Variants in PGCKA1 observed in about 807,000 individuals in gnomAD.
PGCKA1 encodes the protein PDCD10 and GCKIII kinases-associated protein 1.
chr4:37,462,962 CAAAAA>C, the PGCKA1 span, among the ~76,000 whole-genome samples: 3 of 60,318 alleles, frequency 5.0e-5, no homozygotes, highest in African/African-American at 1.4e-4. Context: ...GACTCAGTAT[CAAAAA>C]AAAAAAAAAA....
chr4:37,508,984 AG>A, the PGCKA1 span, among the ~76,000 whole-genome samples: 1 of 151,028 alleles, frequency 6.6e-6, no homozygotes, highest in Non-Finnish European at 1.5e-5. Flanking sequence ...TTCAGAGAGC[AG>A]GGGGTTGGGG....
the PGCKA1 span, among the ~76,000 whole-genome samples, chr4:37,488,031 T>C: frequency 1.8e-4 from 28 of 152,336 alleles, no homozygotes; most frequent in African/African-American, 6.5e-4. Flanking sequence ...AGTCTTTATG[T>C]GCACTTTTGT....
At chr4:37,558,359 A>G in the PGCKA1 span, among the ~76,000 whole-genome samples, 1 of 152,152 alleles carries the variant, frequency 6.6e-6, no homozygotes, top group African/African-American at 2.4e-5. Flanking sequence ...CAGTTAATCT[A>G]TCCCCCCGTC....
chr4:37,499,343 A>C, the PGCKA1 span, among the ~76,000 whole-genome samples: 1 of 152,168 alleles, frequency 6.6e-6, no homozygotes, highest in African/African-American at 2.4e-5. Context: ...CATAGAATGA[A>C]TTAGGGAGGA....
the PGCKA1 span, among the ~76,000 whole-genome samples, chr4:37,494,798 G>T: frequency 2.1e-4 from 32 of 152,018 alleles, no homozygotes; most frequent in African/African-American, 3.1e-4. Context: ...TCATTTTTTT[G>T]ACTTTTAATA....
At chr4:37,508,302 A>G in the PGCKA1 span, among the ~76,000 whole-genome samples, 48 of 152,148 alleles carry the variant, frequency 3.2e-4, no homozygotes, top group African/African-American at 1.0e-3. Context: ...CTTCTCCCCT[A>G]TCTCTTTCTC....
At chr4:37,504,385 T>G in the PGCKA1 span, among the ~76,000 whole-genome samples, 1 of 152,196 alleles carries the variant, frequency 6.6e-6, no homozygotes, top group African/African-American at 2.4e-5. Context: ...TGTTCTTTTT[T>G]GCTCAGGATA....
chr4:37,459,646 C>T, the PGCKA1 span, among the ~76,000 whole-genome samples: 1 of 152,240 alleles, frequency 6.6e-6, no homozygotes, highest in Non-Finnish European at 1.5e-5. Context: ...AGAGTCCTGA[C>T]TTCACCTCCA....
the PGCKA1 span, among the ~76,000 whole-genome samples, chr4:37,583,834 C>T: frequency 2.0e-5 from 3 of 152,122 alleles, no homozygotes; most frequent in Admixed American, 1.3e-4. Context: ...CCCTTTGTTG[C>T]CTGTTGCTTT....
chr4:37,498,235 T>A, the PGCKA1 span, among the ~76,000 whole-genome samples: 2 of 152,188 alleles, frequency 1.3e-5, no homozygotes, highest in Non-Finnish European at 2.9e-5. Context: ...TTGGGTTTAT[T>A]TATGGGATCT....
At chr4:37,571,187 C>T in the PGCKA1 span, among the ~76,000 whole-genome samples, 838 of 152,216 alleles carry the variant, frequency 5.5e-3, 7 homozygotes, top group Middle Eastern at 6.8e-3. Context: ...TAAGATGCAA[C>T]AACAGCCTGA....
chr4:37,532,445 A>G, the PGCKA1 span, among the ~76,000 whole-genome samples: 1 of 152,234 alleles, frequency 6.6e-6, no homozygotes, highest in African/African-American at 2.4e-5. Context: ...TTAACTATGG[A>G]TAGAAAAGGC....
At chr4:37,514,691 C>T in the PGCKA1 span, among the ~76,000 whole-genome samples, 365 of 152,248 alleles carry the variant, frequency 2.4e-3, 7 homozygotes, top group East Asian at 0.062. Flanking sequence ...TGCTTGAAAA[C>T]GAAACAAAAA....
chr4:37,577,410 AG>A, the PGCKA1 span, among the ~76,000 whole-genome samples: 337 of 152,208 alleles, frequency 2.2e-3, 1 homozygote, highest in African/African-American at 7.8e-3. Flanking sequence ...CTGCAGTATC[AG>A]TCGTAATGTC....
At chr4:37,479,491 A>G in the PGCKA1 span, among the ~76,000 whole-genome samples, 1 of 152,210 alleles carries the variant, frequency 6.6e-6, no homozygotes, top group African/African-American at 2.4e-5. Flanking sequence ...TCAAGAATTA[A>G]TGAAATAATC....
the PGCKA1 span, among the ~76,000 whole-genome samples, chr4:37,458,860 A>G: frequency 7.2e-5 from 11 of 152,236 alleles, no homozygotes; most frequent in Admixed American, 2.0e-4. Context: ...TTCACAATTT[A>G]TAATATACAC....
the PGCKA1 span, among the ~76,000 whole-genome samples, chr4:37,475,957 T>A: frequency 6.6e-6 from 1 of 150,444 alleles, no homozygotes; most frequent in Non-Finnish European, 1.5e-5. Context: ...TTAAAATACA[T>A]TATTTAAAAT....
At chr4:37,526,440 T>C in the PGCKA1 span, among the ~76,000 whole-genome samples, 2 of 152,244 alleles carry the variant, frequency 1.3e-5, no homozygotes, top group Admixed American at 1.3e-4. Flanking sequence ...ATTGCCTGAC[T>C]GACTTGAGTG....
the PGCKA1 span, among the ~76,000 whole-genome samples, chr4:37,466,441 C>CTTGG: frequency 5.3e-5 from 8 of 152,134 alleles, no homozygotes; most frequent in African/African-American, 1.7e-4. Flanking sequence ...GACAATACAA[C>CTTGG]CTTATAGTTG....
Sources: allele counts gnomAD v4.1 joint callset (sites outside exome capture counted in the v4.1 genomes callset), GRCh38; gene constraint gnomAD v4.1.1; transcripts MANE v1.5; gene names NCBI Gene and HGNC (gene_info 2026-07-23, HGNC 2026-07-21).